Variants in ELMOD2 observed in about 807,000 individuals in gnomAD.
ELMOD2 encodes ELMO domain containing 2.
In ELMOD2, 28 loss-of-function variants were observed where a neutral mutation model predicts 41.0. That is an observed-to-expected ratio of 0.68 (90% confidence interval 0.51 to 0.94). The LOEUF is 0.94. Among genes scored for constraint, ELMOD2 ranks in the 40% least tolerant of loss-of-function variants. ELMOD2 has a pLI of 0.00. For synonymous variants in ELMOD2, 106 were observed against 107.2 expected, an observed-to-expected ratio of 0.99 and a Z score of 0.07; for missense variants, 333 against 343.1, an observed-to-expected ratio of 0.97 and a Z score of 0.23.
chr4:140,529,137 G>A (rs1410674896), intron 3 of ELMOD2, among the ~76,000 whole-genome samples: 1 of 152,142 alleles, frequency 6.6e-6, no homozygotes, highest in African/African-American at 2.4e-5. Flanking sequence ...TTTCTGGTCT[G>A]GTTCTGATTG....
At chr4:140,535,207 T>C (rs1245070622) in intron 3 of ELMOD2, among the ~76,000 whole-genome samples, 1 of 148,530 alleles carries the variant, frequency 6.7e-6, no homozygotes, top group East Asian at 1.9e-4. Flanking sequence ...CTAAGGACTC[T>C]ATTTTTATTT....
chr4:140,543,484 A>T lies in ELMOD2; in HGVS notation c.634A>T (p.Thr212Ser). The T allele has an allele frequency of 6.2e-7, 1 of 1,604,388 alleles. No individual in the cohort carries two copies. The highest frequency in any genetic ancestry group is 8.5e-7 in the Non-Finnish European group (1 of 1,177,452). ...TTATGCAATAGTTGGAATCAATCTT[A>T]CAGAGATGGCTTATAGCTTACTGAA... ...YSYAIVGINL[T>S]EMAYSLLKSE... Residue 212 changes from threonine to serine, a missense_variant, in exon 8 of 9, where the codon ACA (threonine) becomes TCA (serine). Physicochemically the swap from Thr to Ser is moderately conservative, Grantham distance 58. Coordinates refer to ENST00000323570, the MANE Select transcript of ELMOD2 (RefSeq NM_153702.4).
intron 4 of ELMOD2, 100 bp from the exon 5 acceptor site, chr4:140,537,312 C>G: frequency 9.2e-7 from 1 of 1,090,890 alleles, no homozygotes; most frequent in Non-Finnish European, 1.2e-6. Flanking sequence ...AAACTGAAAG[C>G]CAGGAAATGC....
intron 5 of ELMOD2, among the ~76,000 whole-genome samples, chr4:140,539,676 A>C (rs928029776): frequency 6.6e-6 from 1 of 152,224 alleles, no homozygotes; most frequent in Non-Finnish European, 1.5e-5. Flanking sequence ...TCATCATTAA[A>C]GATATTTATT....
chr4:140,548,269 A>G (rs1413304672), intron 8 of ELMOD2, among the ~76,000 whole-genome samples: 1 of 152,220 alleles, frequency 6.6e-6, no homozygotes, highest in Non-Finnish European at 1.5e-5. Flanking sequence ...TTGGATAGCT[A>G]TCTGCCTTAT....
rs562614834 is a variant in ELMOD2, at chr4:140,551,238, A to G, written c.*863A>G. On this transcript the variant is annotated 3_prime_UTR_variant, in exon 9 of 9. Transcript: ENST00000323570. ...GAAAATCTTGATTATATAAAAGACA[A>G]AAAGATTATAAAAGACAGTTTCTGT... 1.3e-5 allele frequency: 2 copies of G among 152,120 alleles called. No homozygotes were observed. Among genetic ancestry groups the G allele is most frequent in the Non-Finnish European group, 2.9e-5 (2 of 67,972 alleles). The allele number at this position is 152,120 out of a possible 1,614,324, so 9.4% of individuals were successfully genotyped here.
In ELMOD2 at chr4:140,524,575, T is replaced by G. The variant is rs1017966773; in HGVS notation, c.-10+295T>G. ...GATGGCTTGATTTTCAAGATAATGA[T>G]CAACCCAGCTGTGCTATGCGCTCTT... On this transcript the variant is annotated intron_variant, in intron 1 of 8. Transcript: ENST00000323570. 3 of 985,226 alleles carry G rather than the reference T, an allele frequency of 3.0e-6. No individual in the cohort carries two copies. In the African/African-American group the frequency reaches 5.2e-5, roughly 17 times the overall value. The allele number at this position is 985,226 out of a possible 1,614,324, so 61.0% of individuals were successfully genotyped here.
intron 6 of ELMOD2, 162 bp from the exon 7 acceptor site, chr4:140,542,412 T>A (rs1735135438): frequency 5.6e-6 from 3 of 534,468 alleles, no homozygotes; most frequent in Non-Finnish European, 9.8e-6. Context: ...GAAATTTTGA[T>A]TCAGAAGCAT....
chr4:140,535,116 T>A (rs1410608587), intron 3 of ELMOD2, among the ~76,000 whole-genome samples: 1 of 148,412 alleles, frequency 6.7e-6, no homozygotes, highest in Non-Finnish European at 1.5e-5. Context: ...CTTTTACTTT[T>A]CTCTGGGGAA....
At chr4:140,539,291 T>A (rs183345594) in intron 5 of ELMOD2, among the ~76,000 whole-genome samples, 2 of 152,324 alleles carry the variant, frequency 1.3e-5, no homozygotes, top group East Asian at 3.9e-4. Flanking sequence ...GGTATTGAAT[T>A]TAAACAATAA....
chr4:140,533,792 G>A (rs1400767553), intron 3 of ELMOD2, among the ~76,000 whole-genome samples: 1 of 152,012 alleles, frequency 6.6e-6, no homozygotes, highest in Non-Finnish European at 1.5e-5. Flanking sequence ...ATGGGCAAGA[G>A]CTTTGAACAG....
At chr4:140,537,676 A>G (rs1323962681) in intron 5 of ELMOD2, 135 bp downstream of exon 5, 6 of 953,616 alleles carry the variant, frequency 6.3e-6, no homozygotes, top group Non-Finnish European at 7.3e-6. Context: ...AGAGAATTTT[A>G]TTATGCTGGA....
intron 3 of ELMOD2, 24 bp from the exon 4 acceptor site, chr4:140,535,708 AT>A (rs1460491632): frequency 6.3e-7 from 1 of 1,593,146 alleles, no homozygotes; most frequent in Non-Finnish European, 8.6e-7. Context: ...AATTTTTCTC[AT>A]TTGGCTTTCT....
chr4:140,532,028 A>G (rs1734764092), intron 3 of ELMOD2, among the ~76,000 whole-genome samples: 1 of 152,214 alleles, frequency 6.6e-6, no homozygotes, highest in Non-Finnish European at 1.5e-5. Context: ...TCTTGATACT[A>G]AAGCCAGATA....
At position 140,524,481 on chromosome 4, in the gene ELMOD2, C is replaced by T. The variant is rs532114984; in HGVS notation, c.-10+201C>T. ...GAGACGCCCAGAGCCCTGGGGTGCT[C>T]AGGCGCCGCTACGCGTGCATCCCCT... On this transcript the variant is annotated intron_variant, in intron 1 of 8. Transcript: ENST00000323570. 1.3e-5 allele frequency: 7 copies of T among 553,794 alleles called. No individual in the cohort carries two copies. The South Asian group carries it at 4.0e-4, about 31-fold the overall frequency. 34.3% of individuals were successfully genotyped at this position (553,794 alleles called of 1,614,324 possible).
chr4:140,530,100 G>T (rs917386053), intron 3 of ELMOD2, among the ~76,000 whole-genome samples: 7 of 152,174 alleles, frequency 4.6e-5, no homozygotes, highest in African/African-American at 1.7e-4. Context: ...TCAGAATAGA[G>T]TGTAGTGTTT....
intron 1 of ELMOD2, chr4:140,524,738 A>G (rs1475957593): frequency 4.8e-6 from 3 of 627,336 alleles, no homozygotes; most frequent in Non-Finnish European, 6.0e-6. Context: ...TCTCACTAGT[A>G]TCTCCCTGAC....
intron 7 of ELMOD2, 33 bp from the exon 8 acceptor site, chr4:140,543,420 T>C (rs1735168431): frequency 6.4e-7 from 1 of 1,568,576 alleles, no homozygotes; most frequent in Non-Finnish European, 8.6e-7. Flanking sequence ...GTTATTTGGC[T>C]AGCTGGTATA....
intron 3 of ELMOD2, among the ~76,000 whole-genome samples, chr4:140,530,969 CAT>C (rs1560824737): frequency 1.3e-5 from 2 of 152,072 alleles, no homozygotes; most frequent in African/African-American, 4.8e-5. Flanking sequence ...TTCATACCCA[CAT>C]AGTTGTTTTG....
Sources: allele counts gnomAD v4.1 joint callset (sites outside exome capture counted in the v4.1 genomes callset), GRCh38; gene constraint gnomAD v4.1.1; transcripts MANE v1.5; gene names NCBI Gene and HGNC (gene_info 2026-07-23, HGNC 2026-07-21).